Variants in ASPRV1 observed in about 807,000 individuals in gnomAD.
ASPRV1 encodes the protein retroviral-like aspartic protease 1.
In ASPRV1, 7 loss-of-function variants were observed where a neutral mutation model predicts 11.0. The observed-to-expected ratio is 0.64, with a 90% CI of 0.36 to 1.20. ASPRV1 has a LOEUF of 1.20. Ranked by LOEUF, ASPRV1 falls within the 50% of genes most tolerant of loss-of-function variation. The pLI is 0.02. For synonymous variants in ASPRV1, 136 were observed against 138.4 expected (o/e 0.98, Z 0.12); for missense variants, 299 against 320.0 (o/e 0.93, Z 0.50).
At chr2:69,995,103 C>T in the ASPRV1 span, among the ~76,000 whole-genome samples, 3 of 149,992 alleles carry the variant, frequency 2.0e-5, no homozygotes, top group Admixed American at 6.7e-5. Context: ...AAAACTTTTG[C>T]GGCCGGGTGC....
At chr2:70,056,185 G>A in the ASPRV1 span, 1 of 152,176 alleles carries the variant, frequency 6.6e-6, no homozygotes, top group Non-Finnish European at 1.5e-5. Context: ...CAGAGAGAAA[G>A]GAGGGGTAGG....
the ASPRV1 span, among the ~76,000 whole-genome samples, chr2:69,977,172 TAA>T: frequency 6.7e-6 from 1 of 149,712 alleles, no homozygotes; most frequent in East Asian, 2.0e-4. Context: ...TGAGACTCTG[TAA>T]AAAAAAATAA....
the ASPRV1 span, among the ~76,000 whole-genome samples, chr2:69,954,854 T>A: frequency 2.0e-5 from 3 of 152,076 alleles, no homozygotes; most frequent in East Asian, 5.8e-4. Context: ...AGGACAGGGC[T>A]CCCTTCACGT....
chr2:70,064,185 C>T, the ASPRV1 span, among the ~76,000 whole-genome samples: 1 of 152,136 alleles, frequency 6.6e-6, no homozygotes, highest in Admixed American at 6.5e-5. Flanking sequence ...AAGGGAATTA[C>T]CAAAGATGGA....
upstream of ASPRV1, chr2:69,963,409 G>C: frequency 2.2e-6 from 1 of 456,762 alleles, no homozygotes; most frequent in Non-Finnish European, 4.4e-6. Context: ...TAGCTTCCCA[G>C]CTGCTGGGAT....
At chr2:69,956,816 G>A (rs1389368221), downstream of ASPRV1, among the ~76,000 whole-genome samples, 1 of 152,170 alleles carries the variant, frequency 6.6e-6, no homozygotes, top group East Asian at 1.9e-4. Context: ...ACGATGTACT[G>A]AGGATGCACC....
chr2:69,983,464 A>C, the ASPRV1 span, among the ~76,000 whole-genome samples: 1 of 152,174 alleles, frequency 6.6e-6, no homozygotes. Flanking sequence ...TGGGACTCTC[A>C]GGGAGGGACC....
the ASPRV1 span, among the ~76,000 whole-genome samples, chr2:70,035,543 C>T: frequency 6.6e-6 from 1 of 151,644 alleles, no homozygotes; most frequent in Non-Finnish European, 1.5e-5. Context: ...TGACTGCCCA[C>T]CAAGCACTGA....
At chr2:70,051,745 G>A in the ASPRV1 span, among the ~76,000 whole-genome samples, 1 of 152,106 alleles carries the variant, frequency 6.6e-6, no homozygotes, top group Non-Finnish European at 1.5e-5. Context: ...AGGCTGAGGA[G>A]GGAGGATTGC....
At chr2:70,039,114 G>T in the ASPRV1 span, among the ~76,000 whole-genome samples, 1 of 152,022 alleles carries the variant, frequency 6.6e-6, no homozygotes, top group Admixed American at 6.6e-5. Flanking sequence ...ACATATGTGG[G>T]TGATATGAAT....
the ASPRV1 span, among the ~76,000 whole-genome samples, chr2:69,995,763 G>A: frequency 3.9e-5 from 6 of 152,186 alleles, no homozygotes; most frequent in African/African-American, 1.4e-4. Context: ...AAGGAAGCCT[G>A]GAGAGGCCTG....
the ASPRV1 span, among the ~76,000 whole-genome samples, chr2:70,058,917 C>T: frequency 1.6e-5 from 2 of 124,386 alleles, no homozygotes; most frequent in Admixed American, 9.6e-5. Flanking sequence ...GACAGAGTCT[C>T]ACTCTGTCAC....
At chr2:69,987,378 C>T in the ASPRV1 span, among the ~76,000 whole-genome samples, 3 of 151,988 alleles carry the variant, frequency 2.0e-5, no homozygotes, top group Non-Finnish European at 4.4e-5. Context: ...ATCCTTGGCC[C>T]CTGACACTTC....
At chr2:70,002,733 C>T in the ASPRV1 span, among the ~76,000 whole-genome samples, 1 of 152,174 alleles carries the variant, frequency 6.6e-6, no homozygotes, top group Non-Finnish European at 1.5e-5. Context: ...ACTTCCCCTC[C>T]ATCTACAACT....
At chr2:70,051,937 T>C in the ASPRV1 span, among the ~76,000 whole-genome samples, 2 of 152,046 alleles carry the variant, frequency 1.3e-5, no homozygotes, top group Admixed American at 1.3e-4. Context: ...ATCATGCCAC[T>C]GCACTCCAGT....
the ASPRV1 span, among the ~76,000 whole-genome samples, chr2:70,007,714 G>C: frequency 3.9e-5 from 6 of 152,090 alleles, no homozygotes; most frequent in African/African-American, 1.4e-4. Context: ...GACTTTAACT[G>C]CACAGAAAGT....
At chr2:69,945,331 A>G in the ASPRV1 span, among the ~76,000 whole-genome samples, 5 of 152,200 alleles carry the variant, frequency 3.3e-5, no homozygotes, top group South Asian at 1.0e-3. Flanking sequence ...AAATATATAT[A>G]AAAGTAAAGG....
chr2:70,039,697 A>G, the ASPRV1 span, among the ~76,000 whole-genome samples: 1 of 152,164 alleles, frequency 6.6e-6, no homozygotes, highest in Non-Finnish European at 1.5e-5. Flanking sequence ...TACTGCACCT[A>G]AGGGTGGCCT....
the ASPRV1 span, among the ~76,000 whole-genome samples, chr2:70,011,336 T>C: frequency 2.0e-5 from 3 of 150,472 alleles, no homozygotes; most frequent in Non-Finnish European, 1.5e-5. Flanking sequence ...AGAGTACAGG[T>C]TGAAAACAGG....
Sources: gnomAD v4.1 joint callset for allele counts (sites outside exome capture counted in the v4.1 genomes callset) on GRCh38, gnomAD v4.1.1 for gene constraint, MANE v1.5 for transcripts, NCBI Gene and HGNC (gene_info 2026-07-23, HGNC 2026-07-21) for gene names.